Variants in RANBP2 observed in about 807,000 individuals in gnomAD.
RANBP2 encodes E3 SUMO-protein ligase RanBP2.
RANBP2 carries 57 observed loss-of-function variants against 303.6 expected under a neutral mutation model. The ratio of observed to expected loss-of-function variants is 0.19; its 90% CI spans 0.15 to 0.23. The LOEUF is 0.23. Among genes scored for constraint, RANBP2 ranks in the 10% least tolerant of loss-of-function variants. The pLI is 1.00. For synonymous variants in RANBP2, 1,167 were observed against 1,301.5 expected (o/e 0.90, Z 2.23); for missense variants, 3,138 against 3,780.8 (o/e 0.83, Z 4.46).
At chr2:108,942,100 G>A in the RANBP2 span, among the ~76,000 whole-genome samples, 83 of 152,350 alleles carry the variant, frequency 5.4e-4, no homozygotes, top group Middle Eastern at 3.4e-3. Context: ...TGTGTGTGCT[G>A]GGGGCAGAGG....
the RANBP2 span, among the ~76,000 whole-genome samples, chr2:108,991,256 A>T: frequency 1.3e-4 from 20 of 150,050 alleles, no homozygotes; most frequent in African/African-American, 4.8e-4. Flanking sequence ...AATTCAGTTG[A>T]TTAAGAGAAA....
the RANBP2 span, among the ~76,000 whole-genome samples, chr2:109,654,878 A>C: frequency 1.3e-4 from 20 of 151,736 alleles, no homozygotes; most frequent in African/African-American, 4.6e-4. Context: ...TAATTTGTAA[A>C]GGGAGGTGAT....
the RANBP2 span, among the ~76,000 whole-genome samples, chr2:109,455,081 G>A: frequency 6.6e-6 from 1 of 152,144 alleles, no homozygotes; most frequent in Admixed American, 6.5e-5. Context: ...AGACTTGCCT[G>A]GGGCCACACA....
the RANBP2 span, among the ~76,000 whole-genome samples, chr2:109,487,957 C>T: frequency 3.9e-5 from 6 of 152,216 alleles, no homozygotes; most frequent in Admixed American, 1.3e-4. Flanking sequence ...GGAGCCTAGA[C>T]GGGGATGAAC....
At chr2:108,924,614 C>T in the RANBP2 span, among the ~76,000 whole-genome samples, 1 of 152,174 alleles carries the variant, frequency 6.6e-6, no homozygotes, top group Non-Finnish European at 1.5e-5. Context: ...CAGCCTGGCA[C>T]GGGGGTCTGT....
chr2:108,815,471 T>G, the RANBP2 span, among the ~76,000 whole-genome samples: 2 of 137,954 alleles, frequency 1.4e-5, no homozygotes, highest in African/African-American at 2.8e-5. Context: ...GTTTTTTTTT[T>G]TTTTTTTTTT....
At chr2:109,136,264 G>A in the RANBP2 span, among the ~76,000 whole-genome samples, 5,646 of 152,086 alleles carry the variant, frequency 0.037, 353 homozygotes, top group African/African-American at 0.13. Flanking sequence ...TTTGCTGGGG[G>A]AAATGCTCTT....
the RANBP2 span, among the ~76,000 whole-genome samples, chr2:109,136,380 T>C: frequency 1.3e-5 from 2 of 152,116 alleles, no homozygotes; most frequent in Non-Finnish European, 2.9e-5. Context: ...GGGTATCCTA[T>C]TGGAATTTTA....
the RANBP2 span, among the ~76,000 whole-genome samples, chr2:108,849,249 A>T: frequency 6.6e-6 from 1 of 152,212 alleles, no homozygotes; most frequent in Non-Finnish European, 1.5e-5. Flanking sequence ...ATATTCTAAT[A>T]TTATGTACTT....
chr2:109,458,475 G>A, the RANBP2 span, among the ~76,000 whole-genome samples: 4 of 151,918 alleles, frequency 2.6e-5, no homozygotes, highest in Non-Finnish European at 4.4e-5. Flanking sequence ...GTGTGAAAAT[G>A]GGAATAATGT....
the RANBP2 span, among the ~76,000 whole-genome samples, chr2:109,632,105 C>T: frequency 1.3e-5 from 2 of 152,320 alleles, no homozygotes; most frequent in East Asian, 3.9e-4. Context: ...GAACCGGAGG[C>T]TTCCAGGGCC....
At chr2:109,070,532 C>T in the RANBP2 span, among the ~76,000 whole-genome samples, 2 of 152,010 alleles carry the variant, frequency 1.3e-5, no homozygotes, top group Non-Finnish European at 2.9e-5. Context: ...AGTGAGTTCT[C>T]AGTCTGGTAG....
the RANBP2 span, among the ~76,000 whole-genome samples, chr2:109,061,118 A>T: frequency 6.6e-6 from 1 of 151,944 alleles, no homozygotes; most frequent in Non-Finnish European, 1.5e-5. Context: ...GGTCTATAGG[A>T]TGTAAAGTTT....
the RANBP2 span, among the ~76,000 whole-genome samples, chr2:108,998,466 C>T: frequency 8.4e-3 from 1,284 of 152,308 alleles, 25 homozygotes; most frequent in African/African-American, 0.03. Context: ...CTGGAAACAA[C>T]ACCCTCAACA....
At chr2:109,508,586 A>C in the RANBP2 span, among the ~76,000 whole-genome samples, 1 of 152,212 alleles carries the variant, frequency 6.6e-6, no homozygotes, top group Non-Finnish European at 1.5e-5. Flanking sequence ...AAATGTGAAG[A>C]AAGAACTCTT....
chr2:109,348,452 C>T, the RANBP2 span, among the ~76,000 whole-genome samples: 1,508 of 152,282 alleles, frequency 9.9e-3, 22 homozygotes, highest in African/African-American at 0.034. Context: ...CACCCTGGTG[C>T]GTAGGGATCC....
the RANBP2 span, among the ~76,000 whole-genome samples, chr2:109,713,972 C>T: frequency 6.6e-6 from 1 of 152,234 alleles, no homozygotes; most frequent in African/African-American, 2.4e-5. Flanking sequence ...CACTATCTAC[C>T]TGGAGTTGGA....
chr2:109,068,199 G>A, the RANBP2 span, among the ~76,000 whole-genome samples: 6 of 152,098 alleles, frequency 3.9e-5, no homozygotes, highest in African/African-American at 1.2e-4. Flanking sequence ...TCATCTTTTC[G>A]CGGAACTGTT....
At chr2:109,425,140 C>T in the RANBP2 span, among the ~76,000 whole-genome samples, 1 of 152,140 alleles carries the variant, frequency 6.6e-6, no homozygotes, top group East Asian at 1.9e-4. Flanking sequence ...TAAGCCAAAG[C>T]CTAATCCAAA....
Sources: gnomAD v4.1 joint callset for allele counts (sites outside exome capture counted in the v4.1 genomes callset) on GRCh38, gnomAD v4.1.1 for gene constraint, MANE v1.5 for transcripts, NCBI Gene and HGNC (gene_info 2026-07-23, HGNC 2026-07-21) for gene names.